SUGCT: variants seen among roughly 807,000 people sequenced by gnomAD.
The protein encoded by SUGCT is succinyl-CoA:glutarate-CoA transferase, also known as succinyl-CoA:glutarate CoA-transferase.
In SUGCT, 41 loss-of-function variants were observed where a neutral mutation model predicts 55.0. That is an observed-to-expected ratio of 0.74 (90% CI 0.58 to 0.97). The LOEUF is 0.97. Among genes scored for constraint, SUGCT ranks in the 50% least tolerant of loss-of-function variants. The pLI is 0.00. For missense variants in SUGCT, 568 were observed against 547.8 expected, an observed-to-expected ratio of 1.04 and a Z score of -0.37; for synonymous variants, 187 against 200.4, an observed-to-expected ratio of 0.93 and a Z score of 0.56.
chr7:40,432,298 C>T (rs919552009), intron 9 of SUGCT, among the ~76,000 whole-genome samples: 1 of 152,088 alleles, frequency 6.6e-6, no homozygotes, highest in Non-Finnish European at 1.5e-5. Context: ...TTATCCTATT[C>T]CCTTCTGGTC....
the SUGCT span, among the ~76,000 whole-genome samples, chr7:40,931,266 T>G: frequency 6.6e-6 from 1 of 152,238 alleles, no homozygotes; most frequent in Non-Finnish European, 1.5e-5. Flanking sequence ...ATCCCAGGGA[T>G]AAAACTGACT....
downstream of SUGCT, among the ~76,000 whole-genome samples, chr7:40,864,085 T>C (rs1166268656): frequency 1.3e-5 from 2 of 152,164 alleles, no homozygotes; most frequent in Non-Finnish European, 2.9e-5. Flanking sequence ...GTTTCATGAA[T>C]TACTGCTTTC....
At chr7:40,820,108 GT>G (rs1454187683) in intron 13 of SUGCT, among the ~76,000 whole-genome samples, 1 of 152,120 alleles carries the variant, frequency 6.6e-6, no homozygotes, top group Non-Finnish European at 1.5e-5. Context: ...GTTCTGTTCT[GT>G]TCCATTGGCC....
intron 7 of SUGCT, among the ~76,000 whole-genome samples, chr7:40,263,132 G>C (rs1791336510): frequency 6.6e-6 from 1 of 152,154 alleles, no homozygotes. Flanking sequence ...ATGTTGGCCA[G>C]GCTGGTCTTG....
chr7:40,367,278 G>C (rs866500520), intron 9 of SUGCT, among the ~76,000 whole-genome samples: 3 of 127,260 alleles, frequency 2.4e-5, no homozygotes, highest in East Asian at 5.5e-4. Context: ...GGTGGGGGGA[G>C]GGGGGGAGGA....
intron 9 of SUGCT, among the ~76,000 whole-genome samples, chr7:40,409,417 A>G (rs1437696150): frequency 1.3e-5 from 2 of 151,826 alleles, no homozygotes; most frequent in African/African-American, 4.8e-5. Flanking sequence ...GCACCACCAC[A>G]CTTGGCTAAA....
intron 13 of SUGCT, among the ~76,000 whole-genome samples, chr7:40,777,250 C>T (rs1789498454): frequency 6.6e-6 from 1 of 152,086 alleles, no homozygotes; most frequent in Non-Finnish European, 1.5e-5. Context: ...AGGTTTTGAT[C>T]CTACTTGCTT....
intron 13 of SUGCT, among the ~76,000 whole-genome samples, chr7:40,807,262 GTACAGGTTTGTCAC>G (rs1189400853): frequency 3.9e-5 from 6 of 152,142 alleles, no homozygotes; most frequent in Non-Finnish European, 8.8e-5. Flanking sequence ...TGTGCAGGAT[GTACAGGTTTGTCAC>G]ATAGGTAAAC....
chr7:40,185,584 AC>A (rs1425932225), intron 3 of SUGCT, among the ~76,000 whole-genome samples: 1 of 152,030 alleles, frequency 6.6e-6, no homozygotes, highest in East Asian at 1.9e-4. Flanking sequence ...GTGCAATGGC[AC>A]GATCTCGGCT....
the SUGCT span, among the ~76,000 whole-genome samples, chr7:40,932,845 C>G: frequency 1.3e-5 from 2 of 150,208 alleles, no homozygotes; most frequent in East Asian, 3.9e-4. Context: ...TGAGATGGGT[C>G]TCCTCAATAC....
the SUGCT span, among the ~76,000 whole-genome samples, chr7:40,939,012 T>C: frequency 3.3e-5 from 5 of 152,184 alleles, no homozygotes; most frequent in African/African-American, 7.2e-5. Flanking sequence ...ATATAATGAC[T>C]TCTTTTCCTT....
At chr7:40,802,332 C>A (rs1198649483) in intron 13 of SUGCT, among the ~76,000 whole-genome samples, 1 of 143,870 alleles carries the variant, frequency 7.0e-6, no homozygotes, top group Non-Finnish European at 1.6e-5. Context: ...ACGCACACAC[C>A]ACACACACAC....
At chr7:40,823,427 T>G (rs1039997528) in intron 13 of SUGCT, among the ~76,000 whole-genome samples, 1 of 152,046 alleles carries the variant, frequency 6.6e-6, no homozygotes, top group Non-Finnish European at 1.5e-5. Context: ...GGCAAACATA[T>G]TTAAAGTGGA....
intron 8 of SUGCT, 117 bp from the exon 9 acceptor site, chr7:40,316,643 A>G: frequency 1.6e-6 from 1 of 608,874 alleles, no homozygotes; most frequent in East Asian, 2.9e-5. Context: ...CTTGATGGAC[A>G]GGTTTTTTTC....
intron 9 of SUGCT, among the ~76,000 whole-genome samples, chr7:40,344,581 G>T (rs771297234): frequency 6.6e-5 from 10 of 152,124 alleles, no homozygotes; most frequent in Non-Finnish European, 1.2e-4. Context: ...AGCTGCTTTT[G>T]TGCTAAAATA....
the SUGCT span, among the ~76,000 whole-genome samples, chr7:41,032,900 A>T: frequency 6.6e-6 from 1 of 152,132 alleles, no homozygotes; most frequent in Admixed American, 6.5e-5. Flanking sequence ...AGTAGCTGGG[A>T]CTATAGGCAC....
intron 9 of SUGCT, among the ~76,000 whole-genome samples, chr7:40,406,222 G>T (rs935840730): frequency 6.6e-6 from 1 of 152,076 alleles, no homozygotes; most frequent in African/African-American, 2.4e-5. Context: ...ACGCCAGCTG[G>T]TTCATCAGAA....
chr7:40,778,042 G>A (rs1003017199), intron 13 of SUGCT, among the ~76,000 whole-genome samples: 7 of 152,192 alleles, frequency 4.6e-5, no homozygotes, highest in Non-Finnish European at 1.0e-4. Context: ...GGCCCCTGCT[G>A]TCTAGCTCAG....
intron 12 of SUGCT, among the ~76,000 whole-genome samples, chr7:40,737,082 C>A (rs1453108041): frequency 1.3e-5 from 2 of 152,134 alleles, no homozygotes; most frequent in Non-Finnish European, 2.9e-5. Context: ...TGTACTGAGG[C>A]ACTCATGACA....
Sources: allele counts gnomAD v4.1 joint callset (sites outside exome capture counted in the v4.1 genomes callset), GRCh38; gene constraint gnomAD v4.1.1; transcripts MANE v1.5; gene names NCBI Gene and HGNC (gene_info 2026-07-23, HGNC 2026-07-21).